COTL1: variants seen among roughly 807,000 people sequenced by gnomAD.
The protein encoded by COTL1 is coactosin-like protein.
COTL1 carries 15 observed loss-of-function variants against 16.5 expected under a neutral mutation model. The ratio of observed to expected loss-of-function variants is 0.91; its 90% CI spans 0.61 to 1.40. COTL1 has a LOEUF of 1.40. Among genes scored for constraint, COTL1 ranks in the 40% most tolerant of loss-of-function variants. The probability of loss-of-function intolerance (pLI) is 0.00; values close to 1 mark genes in which losing one functional copy is unlikely to be tolerated. For synonymous variants in COTL1, 112 were observed against 85.3 expected, an observed-to-expected ratio of 1.31 and a Z score of -1.73; for missense variants, 220 against 201.5, an observed-to-expected ratio of 1.09 and a Z score of -0.56.
rs113023961 is a variant in COTL1 at position 84,589,008 on chromosome 16, T to C, written c.318+1097A>G. Among the ~76,000 whole-genome samples the C allele has an allele frequency of 6.1e-3, 921 of 152,200 alleles. 11 individuals carry two copies. The highest frequency in any genetic ancestry group is 0.021 in the African/African-American group (887 of 41,538). On this transcript the variant is annotated intron_variant, in intron 3 of 3. Coordinates refer to ENST00000262428, the MANE Select transcript of COTL1 (RefSeq NM_021149.5). The stretch of plus-strand genomic sequence containing the variant: ...TATTTTGAGACAGGAATTCGCTCTG[T>C]TGCCCAGGCTGGAGTGCAGTGGTGC...
At chr16:84,615,370 A>C (rs542186725) in intron 2 of COTL1, among the ~76,000 whole-genome samples, 7 of 152,226 alleles carry the variant, frequency 4.6e-5, no homozygotes, top group African/African-American at 1.7e-4. Flanking sequence ...AGCCTGTGGG[A>C]GGAGGGAAGT....
At chr16:84,585,328 C>A (rs913066739) in intron 3 of COTL1, among the ~76,000 whole-genome samples, 2 of 142,018 alleles carry the variant, frequency 1.4e-5, no homozygotes, top group Admixed American at 7.4e-5. Flanking sequence ...GTACTCCAGA[C>A]TGGGTGACAG....
intron 2 of COTL1, among the ~76,000 whole-genome samples, chr16:84,611,089 C>T (rs1905313562): frequency 6.6e-6 from 1 of 152,212 alleles, no homozygotes; most frequent in Non-Finnish European, 1.5e-5. Flanking sequence ...CAATCATTAT[C>T]CCCACCTTTA....
chr16:84,599,309 G>C lies in COTL1; in HGVS notation c.161-9047C>G, dbSNP rs72795455. 8.7e-3 allele frequency among the ~76,000 whole-genome samples: 1,324 copies of C among 152,316 alleles called. 7 individuals carry two copies. The highest frequency in any genetic ancestry group is 0.015 in the Non-Finnish European group (1,006 of 68,036). On this transcript the variant is annotated intron_variant, in intron 2 of 3. Coordinates refer to ENST00000262428, the MANE Select transcript of COTL1 (RefSeq NM_021149.5). ...CCCCGAGGAAGGAGGATCTGCTATG[G>C]GTCGAGCACTGTGTAACTTTCTTAA... is the stretch of plus-strand genomic sequence containing the variant.
intron 2 of COTL1, among the ~76,000 whole-genome samples, chr16:84,610,193 C>G (rs1259578780): frequency 6.6e-6 from 1 of 152,226 alleles, no homozygotes; most frequent in Non-Finnish European, 1.5e-5. Flanking sequence ...CCTGGATTCT[C>G]CTCTCCTCTG....
intron 2 of COTL1, among the ~76,000 whole-genome samples, chr16:84,591,667 C>CAAAAAAAAAAAAAA (rs1904867955): frequency 2.5e-5 from 2 of 79,192 alleles, no homozygotes; most frequent in African/African-American, 9.3e-5. Context: ...AAAAAAAAAC[C>CAAAAAAAAAAAAAA]AAAAAATTAG....
Position 84,590,254 on chromosome 16 carries a change from G to A in COTL1, c.169C>T (p.Arg57Trp), listed in dbSNP as rs17854246. The A allele has an allele frequency of 1.3e-5, 21 of 1,613,730 alleles. No individual in the cohort carries two copies. The highest frequency in any genetic ancestry group is 1.6e-4 in the Middle Eastern group (1 of 6,082). ...GTGAAGCGCACGAAGGCAAACAACC[G>A]GACGTCATCTGTGGCCAAAAGCGAA... The part of the protein sequence containing the change: ...HFIQQCTDDV[R>W]LFAFVRFTTG... Residue 57 changes from arginine (R) to tryptophan (W), a missense_variant, in exon 3 of 4, where the codon CGG becomes TGG. Arg to Trp is a moderately radical substitution (Grantham distance 101). Transcript: ENST00000262428. This position sits in a 1 kb window ranked among gnomAD's most constrained non-coding sequence, Gnocchi z 5.5.
At chr16:84,573,411 T>C (rs1464436111) in intron 3 of COTL1, among the ~76,000 whole-genome samples, 8 of 152,146 alleles carry the variant, frequency 5.3e-5, no homozygotes, top group Non-Finnish European at 1.2e-4. Flanking sequence ...TTAGAGCCCA[T>C]CCGACAGGGG....
At chr16:84,571,035 T>C (rs1322953257) in intron 3 of COTL1, among the ~76,000 whole-genome samples, 1 of 151,950 alleles carries the variant, frequency 6.6e-6, no homozygotes, top group Non-Finnish European at 1.5e-5. Flanking sequence ...ACAGTGACCA[T>C]GGCCATGCTC....
intron 3 of COTL1, among the ~76,000 whole-genome samples, chr16:84,584,688 G>T (rs61705969): frequency 1.0e-3 from 156 of 152,284 alleles, no homozygotes; most frequent in African/African-American, 3.6e-3. Context: ...CATTTCTTGC[G>T]TGAACTGTGC....
In COTL1 at chr16:84,566,681, G is replaced by A. The variant is rs2150677860; in HGVS notation, c.*164C>T. 1 of 590,966 alleles carries A rather than the reference G, an allele frequency of 1.7e-6. No individual in the cohort carries two copies. Among genetic ancestry groups the A allele is most frequent in the South Asian group, 2.1e-5 (1 of 47,324 alleles). The allele number at this position is 590,966 out of a possible 1,614,324, so 36.6% of individuals were successfully genotyped here. On this transcript the variant is annotated 3_prime_UTR_variant, in exon 4 of 4. Transcript: ENST00000262428. ...AGATAGGACACGGCAGGGTTCTAAG[G>A]GAAGCGGGAAGGTGGGGGCTGTGGA...
In COTL1 at chr16:84,565,889, G is replaced by C. The variant is rs1443460696; in HGVS notation, c.*956C>G. The C allele has an allele frequency of 6.6e-6, 1 of 152,312 alleles. No individual in the cohort carries two copies. The highest frequency in any genetic ancestry group is 1.9e-4 in the East Asian group (1 of 5,196). The allele number at this position is 152,312 out of a possible 1,614,324, so 9.4% of individuals were successfully genotyped here. A position where few individuals can be genotyped will look rare whatever the true frequency, so the allele number is the denominator to read the frequency against. ...CAGCTCACAGCTAGCGCGGCGGGCA[G>C]AGCAACCCTTCGGCCCAAGCCATCC... On this transcript the variant is annotated 3_prime_UTR_variant, in exon 4 of 4. Coordinates refer to ENST00000262428, the MANE Select transcript of COTL1 (RefSeq NM_021149.5).
intron 2 of COTL1, among the ~76,000 whole-genome samples, chr16:84,614,515 A>G (rs1238226204): frequency 6.6e-6 from 1 of 151,870 alleles, no homozygotes. Flanking sequence ...GAGAAGGGAC[A>G]GTAGCCTGAG....
At chr16:84,568,522 G>C (rs1904308451) in intron 3 of COTL1, 1 of 152,230 alleles carries the variant, frequency 6.6e-6, no homozygotes. Flanking sequence ...TCGGAAACAG[G>C]ATGCTGAGTG....
At chr16:84,568,677 T>C (rs1409338233) in intron 3 of COTL1, 2 of 152,204 alleles carry the variant, frequency 1.3e-5, no homozygotes, top group East Asian at 1.9e-4. Context: ...CGTTCTAAAA[T>C]TGGGATTGTG....
rs78562569 is a variant in COTL1, at chr16:84,608,214, A to G, written c.160+9287T>C. Among the ~76,000 whole-genome samples, 67 of 152,370 alleles carry G rather than the reference A, an allele frequency of 4.4e-4. No individual in the cohort carries two copies. The East Asian group carries it at 0.013, about 29-fold the overall frequency. On this transcript the variant is annotated intron_variant, in intron 2 of 3. Coordinates refer to ENST00000262428, the MANE Select transcript of COTL1 (RefSeq NM_021149.5). ...AAGGATGGGAGACAAGGAGGTATTTATAACACCTATAAAATCTGTAAGGGA... is the reference window on the plus strand; with the variant it reads ...AAGGATGGGAGACAAGGAGGTATTTGTAACACCTATAAAATCTGTAAGGGA...
chr16:84,586,474 G>A (rs73255564), intron 3 of COTL1, among the ~76,000 whole-genome samples: 14,249 of 152,184 alleles, frequency 0.094, 821 homozygotes, highest in South Asian at 0.25. Context: ...TTTCCTTTGG[G>A]GGTGATGAGA....
At chr16:84,568,407 C>A (rs1387087846) in intron 3 of COTL1, 1 of 152,232 alleles carries the variant, frequency 6.6e-6, no homozygotes, top group Non-Finnish European at 1.5e-5. Flanking sequence ...CTATGTCCAT[C>A]AACAGAGGAG....
In COTL1 at chr16:84,590,159, C is replaced by T. The variant is rs572727569; in HGVS notation, c.264G>A (p.Gly88=). 4.3e-6 allele frequency: 7 copies of T among 1,614,170 alleles called. No homozygotes were observed. The South Asian group carries it at 4.4e-5, about 10-fold the overall frequency. The stretch of plus-strand genomic sequence containing the variant: ...CCGTCCCGGTTTTGGCGCGCTGCAG[C>T]CCGCTGACGTTCTCACCGATCCACG... ...LITWIGENVS[G]LQRAKTGTDK... is the part of the protein sequence containing the mutation. The change falls in exon 3 of 4, where the codon GGG becomes GGA. Residue 88 remains glycine, a synonymous_variant. Coordinates refer to ENST00000262428, the MANE Select transcript of COTL1 (RefSeq NM_021149.5). The surrounding 1 kb of genome is among the most constrained non-coding windows in gnomAD (Gnocchi z 5.5).
Sources: allele counts gnomAD v4.1 joint callset (sites outside exome capture counted in the v4.1 genomes callset), GRCh38; gene constraint gnomAD v4.1.1; non-coding constraint Gnocchi (gnomAD v3.1); transcripts MANE v1.5; gene names NCBI Gene and HGNC (gene_info 2026-07-23, HGNC 2026-07-21).